The following FANCI variants were observed in gnomAD, a reference collection of about 807,000 sequenced individuals.
FANCI encodes FA complementation group I, also known as Fanconi anemia group I protein.
FANCI carries 156 observed loss-of-function variants against 176.1 expected under a neutral mutation model. The ratio of observed to expected loss-of-function variants is 0.89; its 90% confidence interval spans 0.78 to 1.01. The LOEUF (loss-of-function observed/expected upper bound fraction) is 1.01. Among genes scored for constraint, FANCI ranks in the 50% least tolerant of loss-of-function variants. The pLI, the probability that FANCI is intolerant of heterozygous loss-of-function variation, is 0.00. For missense variants in FANCI, 1,678 were observed against 1,534.1 expected, an observed-to-expected ratio of 1.09 and a Z score of -1.57; for synonymous variants, 613 against 541.7, an observed-to-expected ratio of 1.13 and a Z score of -1.83.
At chr15:89,294,398 C>A (rs896646067) in intron 23 of FANCI, among the ~76,000 whole-genome samples, 4 of 151,922 alleles carry the variant, frequency 2.6e-5, no homozygotes, top group Admixed American at 1.3e-4. Flanking sequence ...CAGCCATGAC[C>A]GATATGGTGC....
At position 89,261,864 on chromosome 15, in the gene FANCI, C is replaced by A; in HGVS notation, c.489C>A (p.Thr163=). The change falls in exon 6 of 38, where the codon ACC becomes ACA. Residue 163 remains threonine (T), a synonymous_variant. Coordinates refer to ENST00000310775, the MANE Select transcript of FANCI (RefSeq NM_001113378.2). ...AATGTAAGAAACAGTTGATTAACAC[C>A]CTGTGTTCTGGCAGGTGAGTCTTGT... ...GEECKKQLIN[T]LCSGRWDQQY... 1 of 1,613,922 alleles carries A rather than the reference C, an allele frequency of 6.2e-7. No individual in the cohort carries two copies. Among genetic ancestry groups the A allele is most frequent in the South Asian group, 1.1e-5 (1 of 91,054 alleles).
intron 31 of FANCI, 33 bp downstream of exon 31, chr15:89,305,731 G>T (rs758744114): frequency 6.2e-7 from 1 of 1,601,618 alleles, no homozygotes; most frequent in South Asian, 1.1e-5. Flanking sequence ...TCCAGGAATT[G>T]ACATGAGCAA....
At chr15:89,264,118 C>G in intron 8 of FANCI, 92 bp downstream of exon 8, 1 of 1,382,204 alleles carries the variant, frequency 7.2e-7, no homozygotes, top group Non-Finnish European at 1.0e-6. Flanking sequence ...TATAGCAGAG[C>G]AAACATAGCC....
rs145269483 is a variant in FANCI, at chr15:89,280,114, C to T, written c.1382-1056C>T. Among the ~76,000 whole-genome samples, 153 of 152,234 alleles carry T rather than the reference C, an allele frequency of 1.0e-3. 1 individual carries two copies. The Middle Eastern group carries it at 0.014, about 14-fold the overall frequency. On this transcript the variant is annotated intron_variant, in intron 14 of 37. Coordinates refer to ENST00000310775, the MANE Select transcript of FANCI (RefSeq NM_001113378.2). ...TCAGCTCACTGCAACCTCCGCCTCCCGGGTTCAAGCAATTCTCCTGCCTCA... is the reference window on the plus strand; with the variant it reads ...TCAGCTCACTGCAACCTCCGCCTCCTGGGTTCAAGCAATTCTCCTGCCTCA...
At chr15:89,280,617 A>G (rs1012631224) in intron 14 of FANCI, among the ~76,000 whole-genome samples, 4 of 152,074 alleles carry the variant, frequency 2.6e-5, no homozygotes, top group African/African-American at 9.7e-5. Flanking sequence ...ACTCATAATG[A>G]GCTCTTCTTC....
chr15:89,313,918 CACACACACGTAG>C (rs1396564216), intron 35 of FANCI, among the ~76,000 whole-genome samples: 5 of 150,994 alleles, frequency 3.3e-5, no homozygotes, highest in Non-Finnish European at 7.4e-5. Flanking sequence ...CACACACACA[CACACACACGTAG>C]GACCTACAAA....
intron 2 of FANCI, among the ~76,000 whole-genome samples, chr15:89,256,186 G>C (rs947150791): frequency 6.6e-6 from 1 of 152,130 alleles, no homozygotes; most frequent in African/African-American, 2.4e-5. Flanking sequence ...TCTTTGTTGT[G>C]GTGGGCTGTC....
Position 89,301,335 on chromosome 15 carries a change from T to A in FANCI, c.2899T>A (p.Leu967Met), listed in dbSNP as rs773040521. Residue 967 changes from leucine to methionine, a missense_variant, in exon 27 of 38, where the codon TTG becomes ATG. Transcript: ENST00000310775. ...TGCCTTCCTTTCTCAGAGGTCCTTGTTGAATTTACTTAGCAGTCAAGAGGA... is the reference window on the plus strand; with the variant it reads ...TGCCTTCCTTTCTCAGAGGTCCTTGATGAATTTACTTAGCAGTCAAGAGGA... The part of the protein sequence containing the change: ...FQIRQFQRSL[L>M]NLLSSQEEDF... 4 of 1,612,690 alleles carry A rather than the reference T, an allele frequency of 2.5e-6. No individual in the cohort carries two copies. The East Asian group carries it at 6.7e-5, about 27-fold the overall frequency.
chr15:89,314,282 A>G (rs1281467650), intron 35 of FANCI, among the ~76,000 whole-genome samples: 1 of 152,252 alleles, frequency 6.6e-6, no homozygotes, highest in Non-Finnish European at 1.5e-5. Context: ...GAACAAGGAA[A>G]TAGAGCTAGG....
In FANCI at chr15:89,294,916, G is replaced by T. The variant is rs2151754385; in HGVS notation, c.2458G>T (p.Asp820Tyr). The change falls in exon 24 of 38, where the codon GAT (aspartate) becomes TAT (tyrosine). Residue 820 changes from aspartate to tyrosine, a missense_variant and splice_region_variant. Coordinates refer to ENST00000310775, the MANE Select transcript of FANCI (RefSeq NM_001113378.2). Reference sequence around the variant, plus strand: ...TTCTCTCTCTCTGTCTCTCTCTAGGGATAGTATCCAAAGCCACCAAGAAAG... The same window carrying T: ...TTCTCTCTCTCTGTCTCTCTCTAGGTATAGTATCCAAAGCCACCAAGAAAG... The part of the protein sequence containing the change: ...VSSLLTALFR[D>Y]SIQSHQESLS... 6.4e-7 allele frequency: 1 copy of T among 1,551,946 alleles called. No individual in the cohort carries two copies. Among genetic ancestry groups the T allele is most frequent in the Middle Eastern group, 1.7e-4 (1 of 5,996 alleles).
chr15:89,259,715 A>G (rs1009434755), intron 3 of FANCI, among the ~76,000 whole-genome samples: 7 of 152,144 alleles, frequency 4.6e-5, no homozygotes, highest in Admixed American at 1.3e-4. Context: ...AGATTTGTCT[A>G]TTCTGGACAT....
chr15:89,292,991 A>G lies in FANCI; in HGVS notation c.2219A>G (p.Asn740Ser), dbSNP rs746984147. ...AGCACCAGTATTGGCATAAAAAATA[A>G]TATCTGTGCTTTTCTTGTGATGGGA... ...SQSTSIGIKN[N>S]ICAFLVMGVC... Residue 740 changes from asparagine (N) to serine (S), a missense_variant, in exon 22 of 38, where the codon AAT (asparagine) becomes AGT (serine). Coordinates refer to ENST00000310775, the MANE Select transcript of FANCI (RefSeq NM_001113378.2). The G allele has an allele frequency of 6.2e-7, 1 of 1,614,104 alleles. No individual in the cohort carries two copies.
intron 22 of FANCI, 119 bp downstream of exon 22, chr15:89,293,182 A>C: frequency 2.8e-6 from 3 of 1,062,054 alleles, no homozygotes; most frequent in Non-Finnish European, 4.3e-6. Flanking sequence ...CTGTCTCTTA[A>C]ATGAGCACCT....
chr15:89,281,693 C>T, intron 15 of FANCI, 72 bp from the exon 16 acceptor site: 1 of 1,343,796 alleles, frequency 7.4e-7, no homozygotes, highest in Non-Finnish European at 1.1e-6. Flanking sequence ...CATATGGTAA[C>T]AGTATTGGGT....
Position 89,268,450 on chromosome 15 carries a change from C to T in FANCI, c.807C>T (p.Gly269=), listed in dbSNP as rs759004680. The change falls in exon 10 of 38, where the codon GGC becomes GGT. Residue 269 remains glycine, a synonymous_variant. Transcript: ENST00000310775. ...CAGGTGAACTTCGTCATGTGGAAGG[C>T]ACCATTATTCTACACATTGTGTTTG... The part of the protein sequence containing the change: ...VPSGELRHVE[G]TIILHIVFAI... 2 of 1,614,150 alleles carry T rather than the reference C, an allele frequency of 1.2e-6. No individual in the cohort carries two copies. The highest frequency in any genetic ancestry group is 1.7e-6 in the Non-Finnish European group (2 of 1,179,982).
intron 20 of FANCI, among the ~76,000 whole-genome samples, chr15:89,292,102 C>T (rs1296159813): frequency 6.6e-6 from 1 of 152,170 alleles, no homozygotes; most frequent in Non-Finnish European, 1.5e-5. Flanking sequence ...CTAGGATTGG[C>T]ACTGTTGAAC....
intron 34 of FANCI, among the ~76,000 whole-genome samples, chr15:89,309,795 T>A (rs3925626): frequency 2.6e-5 from 4 of 152,284 alleles, no homozygotes; most frequent in South Asian, 2.1e-4. Flanking sequence ...AGAACATTTT[T>A]AAAAAAATAA....
At position 89,278,679 on chromosome 15, in the gene FANCI, C is replaced by A; in HGVS notation, c.1294-8C>A. The stretch of plus-strand genomic sequence containing the variant: ...CCAGGAATATTTTATTTATTCTGTT[C>A]TTTTTAGATCCATGAGATGATCAGA... On this transcript the variant is annotated splice_region_variant and splice_polypyrimidine_tract_variant and intron_variant, in intron 13 of 37. Coordinates refer to ENST00000310775, the MANE Select transcript of FANCI (RefSeq NM_001113378.2). 1 of 1,609,000 alleles carries A rather than the reference C, an allele frequency of 6.2e-7. No individual in the cohort carries two copies. Among genetic ancestry groups the A allele is most frequent in the Non-Finnish European group, 8.5e-7 (1 of 1,175,568 alleles).
intron 23 of FANCI, among the ~76,000 whole-genome samples, chr15:89,294,680 A>C (rs900485924): frequency 1.3e-5 from 2 of 152,186 alleles, no homozygotes; most frequent in East Asian, 1.9e-4. Context: ...ATTTTATCAA[A>C]GTAAAGGATT....
Sources: gnomAD v4.1 joint callset for allele counts (sites outside exome capture counted in the v4.1 genomes callset) on GRCh38, gnomAD v4.1.1 for gene constraint, MANE v1.5 for transcripts, NCBI Gene and HGNC (gene_info 2026-07-23, HGNC 2026-07-21) for gene names.